Variants in NUBPL observed in about 807,000 individuals in gnomAD.
NUBPL encodes iron-sulfur cluster transfer protein NUBPL.
NUBPL carries 31 observed loss-of-function variants against 45.7 expected under a neutral mutation model. The ratio of observed to expected loss-of-function variants is 0.68; its 90% CI spans 0.51 to 0.92. The LOEUF is 0.92. Among genes scored for constraint, NUBPL ranks in the 40% least tolerant of loss-of-function variants. NUBPL has a pLI of 0.00. For missense variants in NUBPL, 401 were observed against 398.7 expected, an observed-to-expected ratio of 1.01 and a Z score of -0.05; for synonymous variants, 144 against 140.9, an observed-to-expected ratio of 1.02 and a Z score of -0.15.
intron 7 of NUBPL, among the ~76,000 whole-genome samples, chr14:31,791,879 G>C (rs974541620): frequency 1.3e-5 from 2 of 152,164 alleles, no homozygotes; most frequent in Non-Finnish European, 2.9e-5. Context: ...TTTATGGACA[G>C]TAGATTTCTG....
intron 6 of NUBPL, among the ~76,000 whole-genome samples, chr14:31,711,835 A>C (rs571982279): frequency 1.3e-5 from 2 of 151,158 alleles, no homozygotes; most frequent in African/African-American, 2.4e-5. Flanking sequence ...GAAGCTGAAG[A>C]CCTTCGCGGT....
chr14:31,846,336 C>T, intron 8 of NUBPL, 135 bp from the exon 9 acceptor site: 1 of 731,996 alleles, frequency 1.4e-6, no homozygotes, highest in Middle Eastern at 3.6e-4. Flanking sequence ...AGAGCAGAGG[C>T]CATAGTTTAT....
chr14:31,643,116 T>G lies in NUBPL; in HGVS notation c.383-30239T>G, dbSNP rs377695954. Among the ~76,000 whole-genome samples the G allele has an allele frequency of 1.9e-4, 29 of 152,278 alleles. No individual in the cohort carries two copies. The South Asian group carries it at 2.3e-3, about 12-fold the overall frequency. On this transcript the variant is annotated intron_variant, in intron 4 of 10. Transcript: ENST00000281081. ...TATCTGTGAGCAAGACTAATTTGAT[T>G]TCTTCCTTTCCAATTTGTATATGCT...
intron 6 of NUBPL, among the ~76,000 whole-genome samples, chr14:31,763,278 A>G (rs1458789665): frequency 6.6e-6 from 1 of 152,164 alleles, no homozygotes; most frequent in African/African-American, 2.4e-5. Flanking sequence ...TATTGCATCC[A>G]TGTATGCCTG....
At chr14:31,769,611 A>G (rs548592609) in intron 6 of NUBPL, among the ~76,000 whole-genome samples, 1 of 152,186 alleles carries the variant, frequency 6.6e-6, no homozygotes, top group East Asian at 1.9e-4. Context: ...AAACATACCA[A>G]GTAGTTTGGA....
intron 6 of NUBPL, among the ~76,000 whole-genome samples, chr14:31,781,607 A>G (rs1361256302): frequency 6.6e-6 from 1 of 152,226 alleles, no homozygotes; most frequent in Non-Finnish European, 1.5e-5. Context: ...CCAGGAGCAA[A>G]TTGATGTCTT....
At chr14:31,761,420 C>G (rs894332217) in intron 6 of NUBPL, among the ~76,000 whole-genome samples, 65 of 152,258 alleles carry the variant, frequency 4.3e-4, no homozygotes, top group African/African-American at 1.5e-3. Context: ...CCTGTATAGA[C>G]TCAAGCAGCA....
Position 31,640,102 on chromosome 14 carries a change from C to G in NUBPL, c.383-33253C>G, listed in dbSNP as rs140705000. Among the ~76,000 whole-genome samples the G allele has an allele frequency of 2.2e-3, 332 of 152,266 alleles. 3 individuals are homozygous for G. The highest frequency in any genetic ancestry group is 7.6e-3 in the African/African-American group (315 of 41,566). ...GTGCACTGCACCCACTCTCCTGCGC[C>G]CACTGTCAGGCACTCCCTAGTGAGA... On this transcript the variant is annotated intron_variant, in intron 4 of 10. Coordinates refer to ENST00000281081, the MANE Select transcript of NUBPL (RefSeq NM_025152.3).
intron 4 of NUBPL, among the ~76,000 whole-genome samples, chr14:31,612,143 G>C (rs979852522): frequency 1.3e-5 from 2 of 152,192 alleles, no homozygotes; most frequent in Non-Finnish European, 2.9e-5. Context: ...CACAGAATGA[G>C]AGAAAATATT....
At chr14:31,646,846 T>TTC (rs200166706) in intron 4 of NUBPL, among the ~76,000 whole-genome samples, 2,627 of 137,626 alleles carry the variant, frequency 0.019, 95 homozygotes, top group East Asian at 0.084. Flanking sequence ...CTTCTCAAAT[T>TTC]TGTTTTTTTT....
intron 3 of NUBPL, among the ~76,000 whole-genome samples, chr14:31,587,530 A>G (rs2034025609): frequency 6.6e-6 from 1 of 152,212 alleles, no homozygotes; most frequent in African/African-American, 2.4e-5. Flanking sequence ...TAGAAACACA[A>G]ATTTCTGTAC....
chr14:31,732,821 A>C (rs1394091531), intron 6 of NUBPL, among the ~76,000 whole-genome samples: 8 of 152,020 alleles, frequency 5.3e-5, no homozygotes, highest in Non-Finnish European at 8.8e-5. Context: ...CATGTTGGCC[A>C]GGCTGGTCTC....
intron 4 of NUBPL, among the ~76,000 whole-genome samples, chr14:31,608,502 C>T (rs192965367): frequency 8.2e-4 from 124 of 151,740 alleles, no homozygotes; most frequent in African/African-American, 2.9e-3. Context: ...TGCAGTGAGC[C>T]GAGATCATGC....
At chr14:31,603,677 A>G (rs1057232924) in intron 4 of NUBPL, among the ~76,000 whole-genome samples, 1 of 152,208 alleles carries the variant, frequency 6.6e-6, no homozygotes, top group African/African-American at 2.4e-5. Flanking sequence ...TCTCCCTAAC[A>G]TTTTGAAGAA....
At chr14:31,855,000 GA>G (rs1193417737) in intron 10 of NUBPL, among the ~76,000 whole-genome samples, 3 of 152,192 alleles carry the variant, frequency 2.0e-5, no homozygotes, top group Non-Finnish European at 4.4e-5. Context: ...AAAGTTTGGA[GA>G]TAGTCCATTA....
rs566014874 is a variant in NUBPL at position 31,652,712 on chromosome 14, G to A, written c.383-20643G>A. On this transcript the variant is annotated intron_variant, in intron 4 of 10. Transcript: ENST00000281081. Reference sequence around the variant, plus strand: ...TAAAACCATCAAGTTTGTGAGTTGCGTTTTTAAATTATGGAGAGGTTTTCC... The same window carrying A: ...TAAAACCATCAAGTTTGTGAGTTGCATTTTTAAATTATGGAGAGGTTTTCC... Among the ~76,000 whole-genome samples the A allele has an allele frequency of 4.6e-5, 7 of 152,212 alleles. No individual in the cohort carries two copies. In the South Asian group the frequency reaches 1.0e-3, roughly 23 times the overall value.
At chr14:31,701,364 CA>C (rs2037334170) in intron 6 of NUBPL, among the ~76,000 whole-genome samples, 1 of 152,030 alleles carries the variant, frequency 6.6e-6, no homozygotes, top group South Asian at 2.1e-4. Context: ...AGCACCCTGT[CA>C]AAATGGACCA....
At chr14:31,562,888 G>T (rs772437873) in intron 2 of NUBPL, 3 of 153,930 alleles carry the variant, frequency 1.9e-5, no homozygotes, top group Admixed American at 1.3e-4. Context: ...GATTACAGGT[G>T]TGAGCCATCG....
At chr14:31,771,955 A>G (rs2039016615) in intron 6 of NUBPL, 2 of 847,868 alleles carry the variant, frequency 2.4e-6, no homozygotes, top group South Asian at 5.4e-5. Context: ...CTAACGCAGT[A>G]ATGTCCTTCA....
Sources: allele counts gnomAD v4.1 joint callset (sites outside exome capture counted in the v4.1 genomes callset), GRCh38; gene constraint gnomAD v4.1.1; transcripts MANE v1.5; gene names NCBI Gene and HGNC (gene_info 2026-07-23, HGNC 2026-07-21).